NOC3L: variants seen among roughly 807,000 people sequenced by gnomAD.
NOC3L encodes the protein nucleolar complex protein 3 homolog.
A neutral mutation model predicts 102.5 loss-of-function variants in NOC3L; 85 were observed. The observed-to-expected ratio is 0.83, with a 90% CI of 0.70 to 0.99. The LOEUF is 0.99. Ranked by LOEUF, NOC3L falls within the 50% of genes least tolerant of loss-of-function variation. NOC3L has a pLI of 0.00. For missense variants in NOC3L, 878 were observed against 914.9 expected, an observed-to-expected ratio of 0.96 and a Z score of 0.52; for synonymous variants, 303 against 309.4, an observed-to-expected ratio of 0.98 and a Z score of 0.22.
chr10:94,318,236 C>T, the NOC3L span, among the ~76,000 whole-genome samples: 3 of 152,138 alleles, frequency 2.0e-5, no homozygotes, highest in Non-Finnish European at 4.4e-5. Flanking sequence ...ACCAGGCAAC[C>T]CTAATAATAA....
chr10:94,355,208 T>C (rs190180439), intron 5 of NOC3L, 115 bp from the exon 6 acceptor site: 7 of 842,532 alleles, frequency 8.3e-6, no homozygotes, highest in Middle Eastern at 3.7e-4. Flanking sequence ...ATTTTGTATT[T>C]ACTACTACAC....
chr10:94,318,490 A>C, the NOC3L span, among the ~76,000 whole-genome samples: 2 of 152,242 alleles, frequency 1.3e-5, no homozygotes, highest in Non-Finnish European at 2.9e-5. Context: ...TTTACACTTA[A>C]GGAAATAGAT....
chr10:94,329,797 A>AC (rs1564905180), downstream of NOC3L: 4 of 150,376 alleles, frequency 2.7e-5, no homozygotes, highest in African/African-American at 7.3e-5. Context: ...AAAAAAAAAA[A>AC]AAAAAAAAAA....
In NOC3L at chr10:94,337,819, G is replaced by A. The variant is rs758333858; in HGVS notation, c.2147C>T (p.Pro716Leu). ...RFAAHLIAGA[P>L]SEGSGALKPE... ...TTTGAGTGCTCCAGAGCCTTCAGAAGGTGCTCCAGCGATCAGGTGGGCTGC... is the reference window on the plus strand; with the variant it reads ...TTTGAGTGCTCCAGAGCCTTCAGAAAGTGCTCCAGCGATCAGGTGGGCTGC... Residue 716 changes from proline (P) to leucine (L), a missense_variant, in exon 19 of 21, where the codon CCT becomes CTT. Transcript: ENST00000371361. 7.4e-6 allele frequency: 12 copies of A among 1,614,042 alleles called. No homozygotes were observed. The South Asian group carries it at 1.3e-4, about 18-fold the overall frequency.
chr10:94,362,706 C>T, intron 1 of NOC3L, 124 bp downstream of exon 1: 1 of 994,512 alleles, frequency 1.0e-6, no homozygotes, highest in Non-Finnish European at 1.6e-6. Context: ...GAATGGAAAG[C>T]CCCCAGTCTA....
chr10:94,346,257 A>G (rs953093597), intron 11 of NOC3L, among the ~76,000 whole-genome samples, 168 bp downstream of exon 11: 2 of 152,208 alleles, frequency 1.3e-5, no homozygotes, highest in Non-Finnish European at 2.9e-5. Flanking sequence ...AACTGATTTA[A>G]GAAAACATTT....
At chr10:94,324,865 C>A in the NOC3L span, 1 of 1,607,586 alleles carries the variant, frequency 6.2e-7, no homozygotes, top group Non-Finnish European at 8.5e-7. Flanking sequence ...TAACCTAACA[C>A]CAATGGAAGG....
At chr10:94,328,216 C>T in the NOC3L span, 1 of 294,958 alleles carries the variant, frequency 3.4e-6, no homozygotes, top group Non-Finnish European at 7.1e-6. Flanking sequence ...TGACTTAGAG[C>T]AAGGGTCAGC....
chr10:94,324,767 G>A, the NOC3L span: 8 of 1,049,686 alleles, frequency 7.6e-6, no homozygotes, highest in African/African-American at 1.6e-5. Context: ...CTAGAGGGGA[G>A]CTCCTCAGCC....
At chr10:94,319,406 T>G in the NOC3L span, among the ~76,000 whole-genome samples, 1 of 152,304 alleles carries the variant, frequency 6.6e-6, no homozygotes, top group Non-Finnish European at 1.5e-5. Flanking sequence ...TTCCATTTAT[T>G]TTATCCCATG....
the NOC3L span, chr10:94,324,351 C>G: frequency 6.2e-7 from 1 of 1,612,452 alleles, no homozygotes; most frequent in Non-Finnish European, 8.5e-7. Flanking sequence ...CCTTTCAGAC[C>G]TTATGCAAAG....
At chr10:94,335,834 G>T (rs575825099) in intron 19 of NOC3L, among the ~76,000 whole-genome samples, 29 of 152,134 alleles carry the variant, frequency 1.9e-4, no homozygotes, top group African/African-American at 6.5e-4. Context: ...CTTGCAAACG[G>T]AAAAAACCTA....
At chr10:94,338,475 A>G in intron 18 of NOC3L, 133 bp downstream of exon 18, 1 of 940,244 alleles carries the variant, frequency 1.1e-6, no homozygotes, top group Non-Finnish European at 1.5e-6. Context: ...ATACTAACAC[A>G]GGAATTCTAA....
intron 9 of NOC3L, 116 bp downstream of exon 9, chr10:94,349,997 A>T: frequency 1.1e-6 from 1 of 872,098 alleles, no homozygotes; most frequent in Admixed American, 2.0e-5. Context: ...TGACCTCGTG[A>T]TCTGCCTGCC....
At chr10:94,362,559 C>G (rs2054564199) in intron 1 of NOC3L, among the ~76,000 whole-genome samples, 1 of 152,090 alleles carries the variant, frequency 6.6e-6, no homozygotes, top group Non-Finnish European at 1.5e-5. Context: ...TTGTGAAAAA[C>G]GAGTTCGAAA....
intron 2 of NOC3L, among the ~76,000 whole-genome samples, chr10:94,359,661 G>A (rs901819483): frequency 3.9e-5 from 6 of 152,058 alleles, no homozygotes; most frequent in Non-Finnish European, 7.4e-5. Context: ...TTGATCATCA[G>A]GGAAATGTAA....
the NOC3L span, among the ~76,000 whole-genome samples, chr10:94,317,751 T>C: frequency 1.3e-5 from 2 of 152,148 alleles, no homozygotes; most frequent in Admixed American, 1.3e-4. Context: ...TTTCCCTGAA[T>C]TAACTGAGAA....
chr10:94,327,217 C>T, the NOC3L span, among the ~76,000 whole-genome samples: 2 of 152,194 alleles, frequency 1.3e-5, no homozygotes, highest in African/African-American at 4.8e-5. Flanking sequence ...TGTGAATTGA[C>T]ATCCCATGTT....
chr10:94,340,488 G>T lies in NOC3L; in HGVS notation c.1653C>A (p.Ser551Arg). Residue 551 changes from serine to arginine, a missense_variant, in exon 15 of 21, where the codon AGC becomes AGA. Transcript: ENST00000371361. ...GGACACAGTGAAGACTTTCTTGATAGCTTAGGTCCTTTAAAAAAAAAAGGG... is the reference window on the plus strand; with the variant it reads ...GGACACAGTGAAGACTTTCTTGATATCTTAGGTCCTTTAAAAAAAAAAGGG... The part of the protein sequence containing the change: ...LHTLIESGDL[S>R]YQESLHCVQT... 1 of 1,056,092 alleles carries T rather than the reference G, an allele frequency of 9.5e-7. No homozygotes were observed. The allele number at this position is 1,056,092 out of a possible 1,614,324, so 65.4% of individuals were successfully genotyped here.
Sources: gnomAD v4.1 joint callset for allele counts (sites outside exome capture counted in the v4.1 genomes callset) on GRCh38, gnomAD v4.1.1 for gene constraint, MANE v1.5 for transcripts, NCBI Gene and HGNC (gene_info 2026-07-23, HGNC 2026-07-21) for gene names.